Variants in PTH1R observed in about 807,000 individuals in gnomAD.
PTH1R encodes parathyroid hormone/parathyroid hormone-related peptide receptor.
In PTH1R, 32 loss-of-function variants were observed where a neutral mutation model predicts 70.7. The observed-to-expected ratio is 0.45, with a 90% CI of 0.34 to 0.61. The LOEUF is 0.61. Among genes scored for constraint, PTH1R ranks in the 20% least tolerant of loss-of-function variants. The pLI, the probability that PTH1R is intolerant of heterozygous loss-of-function variation, is 0.01. For synonymous variants in PTH1R, 329 were observed against 324.8 expected (o/e 1.01, Z -0.14); for missense variants, 626 against 792.5 (o/e 0.79, Z 2.52).
In PTH1R at chr3:46,883,148, A is replaced by AAAAGAAAGAAAGAAAGAAAG. The variant is rs540920290; in HGVS notation, c.-48-352_-48-333dup. Among the ~76,000 whole-genome samples, 16 of 142,234 alleles carry AAAAGAAAGAAAGAAAGAAAG rather than the reference A, an allele frequency of 1.1e-4. No individual in the cohort carries two copies. Among genetic ancestry groups the AAAAGAAAGAAAGAAAGAAAG allele is most frequent in the South Asian group, 4.5e-4 (2 of 4,420 alleles). The allele number at this position is 142,234 out of a possible 152,430, so 93.3% of individuals were successfully genotyped here. A position where few individuals can be genotyped will look rare whatever the true frequency, so the allele number is the denominator to read the frequency against. ...AGCTCCCATTTCCCCAAAAGAAAAA[A>AAAAGAAAGAAAGAAAGAAAG]AAAGAAAGAAAGAAAGAAAGAAAGA... On this transcript the variant is annotated intron_variant, in intron 2 of 15. Transcript: ENST00000449590. The surrounding 1 kb of genome is among the most constrained non-coding windows in gnomAD (Gnocchi z 6.4).
At chr3:46,894,301 C>T (rs1310336628) in intron 4 of PTH1R, among the ~76,000 whole-genome samples, 1 of 152,134 alleles carries the variant, frequency 6.6e-6, no homozygotes, top group Admixed American at 6.5e-5. Flanking sequence ...GAGGCCCAGA[C>T]CCCAACTGAC....
At chr3:46,900,237 G>A (rs1299660668) in intron 10 of PTH1R, among the ~76,000 whole-genome samples, 1 of 152,170 alleles carries the variant, frequency 6.6e-6, no homozygotes, top group African/African-American at 2.4e-5. Context: ...CCAGAGTTGG[G>A]GAGACCTGGG....
At position 46,882,991 on chromosome 3, in the gene PTH1R, C is replaced by T. The variant is rs1210450199; in HGVS notation, c.-48-521C>T. Among the ~76,000 whole-genome samples, 1 of 151,902 alleles carries T rather than the reference C, an allele frequency of 6.6e-6. No individual in the cohort carries two copies. Among genetic ancestry groups the T allele is most frequent in the Non-Finnish European group, 1.5e-5 (1 of 67,952 alleles). The stretch of plus-strand genomic sequence containing the variant: ...CACGCCCCGCGCGGCTCAGAACGCG[C>T]CCCCTGCCCGGCCCTGACTCCCTAC... On this transcript the variant is annotated intron_variant, in intron 2 of 15. Coordinates refer to ENST00000449590, the MANE Select transcript of PTH1R (RefSeq NM_000316.3). This position sits in a 1 kb window ranked among gnomAD's most constrained non-coding sequence, Gnocchi z 4.3.
Position 46,879,524 on chromosome 3 carries a change from C to T in PTH1R, c.-105-1538C>T, listed in dbSNP as rs1273998969. 6.6e-6 allele frequency among the ~76,000 whole-genome samples: 1 copy of T among 151,758 alleles called. No homozygotes were observed. Among genetic ancestry groups the T allele is most frequent in the Non-Finnish European group, 1.5e-5 (1 of 67,954 alleles). On this transcript the variant is annotated intron_variant, in intron 1 of 15. Coordinates refer to ENST00000449590, the MANE Select transcript of PTH1R (RefSeq NM_000316.3). This position sits in a 1 kb window ranked among gnomAD's most constrained non-coding sequence, Gnocchi z 4.7. ...TTGGGAGGCCGAGGCAGGAGGACTGCTTGAGCCCAAGAGTTGGAGACCAGT... is the reference window on the plus strand; with the variant it reads ...TTGGGAGGCCGAGGCAGGAGGACTGTTTGAGCCCAAGAGTTGGAGACCAGT...
In PTH1R at chr3:46,883,396, A is replaced by G. The variant is rs1182170319; in HGVS notation, c.-48-116A>G. The G allele has an allele frequency of 1.7e-5, 3 of 180,564 alleles. No homozygotes were observed. The highest frequency in any genetic ancestry group is 2.0e-5 in the Non-Finnish European group (2 of 101,144). 11.2% of individuals were successfully genotyped at this position (180,564 alleles called of 1,614,324 possible). On this transcript the variant is annotated intron_variant, in intron 2 of 15. Transcript: ENST00000449590. This position sits in a 1 kb window ranked among gnomAD's most constrained non-coding sequence, Gnocchi z 6.4. ...TCGCTCGCTCGCTCGCCCTCAGCGC[A>G]TGGGCCCCGCGCCGGGCCCCGGGGC... is the stretch of plus-strand genomic sequence containing the variant.
Position 46,891,459 on chromosome 3 carries a change from G to A in PTH1R, c.76-2448G>A, listed in dbSNP as rs1031904832. ...ATCAGTAGGCTGGTCTGTCTGTTGGGAGGCCCAGGGAGTCAGCAAGTCTCT... is the reference window on the plus strand; with the variant it reads ...ATCAGTAGGCTGGTCTGTCTGTTGGAAGGCCCAGGGAGTCAGCAAGTCTCT... On this transcript the variant is annotated intron_variant, in intron 3 of 15. Coordinates refer to ENST00000449590, the MANE Select transcript of PTH1R (RefSeq NM_000316.3). This position sits in a 1 kb window ranked among gnomAD's most constrained non-coding sequence, Gnocchi z 4.3. Among the ~76,000 whole-genome samples, 4 of 152,258 alleles carry A rather than the reference G, an allele frequency of 2.6e-5. No homozygotes were observed. Among genetic ancestry groups the A allele is most frequent in the Admixed American group, 2.6e-4 (4 of 15,288 alleles).
intron 4 of PTH1R, 136 bp downstream of exon 4, chr3:46,894,145 G>C (rs1203695849): frequency 1.2e-6 from 1 of 847,710 alleles, no homozygotes; most frequent in African/African-American, 1.7e-5. Context: ...AGGCCAAAGT[G>C]AGAACCAAAG....
intron 3 of PTH1R, among the ~76,000 whole-genome samples, chr3:46,889,645 T>C (rs1416057766): frequency 6.6e-6 from 1 of 152,174 alleles, no homozygotes; most frequent in Non-Finnish European, 1.5e-5. Flanking sequence ...GTGGAGGGTA[T>C]TGAAGCCAAG....
chr3:46,878,183 A>T (rs1559524912), intron 1 of PTH1R, among the ~76,000 whole-genome samples: 1 of 152,194 alleles, frequency 6.6e-6, no homozygotes, highest in Non-Finnish European at 1.5e-5. Flanking sequence ...CTGCAAGGGA[A>T]GGGGGCTACC....
chr3:46,885,082 C>T (rs143690655), intron 3 of PTH1R, among the ~76,000 whole-genome samples: 12 of 152,280 alleles, frequency 7.9e-5, no homozygotes, highest in Middle Eastern at 3.4e-3. Context: ...ACCCCACCCC[C>T]GGAGTTTGGT....
chr3:46,894,393 G>A (rs1559532941), intron 4 of PTH1R, among the ~76,000 whole-genome samples: 1 of 152,108 alleles, frequency 6.6e-6, no homozygotes, highest in African/African-American at 2.4e-5. Flanking sequence ...CAGAACACAA[G>A]CACACAATGA....
rs1364327639 is a variant in PTH1R, at chr3:46,897,897, C to T, written c.356C>T (p.Pro119Leu). ...LPEWDHILCWPLGAPGEVVAV... is the reference protein window; with the variant it reads ...LPEWDHILCWLLGAPGEVVAV... ...GAATGGGACCACATCCTGTGCTGGC[C>T]GCTGGGGGCACCAGGTGAGGTGGTG... is the stretch of plus-strand genomic sequence containing the variant. Residue 119 changes from proline to leucine, a missense_variant, in exon 6 of 16, where the codon CCG (proline) becomes CTG (leucine). By Grantham distance (98) the Pro-to-Leu change is moderately conservative. Transcript: ENST00000449590. 2.5e-6 allele frequency: 4 copies of T among 1,613,788 alleles called. No homozygotes were observed. Among genetic ancestry groups the T allele is most frequent in the African/African-American group, 1.3e-5 (1 of 74,912 alleles).
At position 46,902,942 on chromosome 3, in the gene PTH1R, G is replaced by A; in HGVS notation, c.1395+152G>A. 1 of 1,197,952 alleles carries A rather than the reference G, an allele frequency of 8.3e-7. No homozygotes were observed. The highest frequency in any genetic ancestry group is 1.2e-6 in the Non-Finnish European group (1 of 822,740). The allele number at this position is 1,197,952 out of a possible 1,614,324, so 74.2% of individuals were successfully genotyped here. A position where few individuals can be genotyped will look rare whatever the true frequency, so the allele number is the denominator to read the frequency against. On this transcript the variant is annotated intron_variant, in intron 15 of 15. Transcript: ENST00000449590. The surrounding 1 kb of genome is among the most constrained non-coding windows in gnomAD (Gnocchi z 5.4). ...TTCTGAAAGCAGAGAAGTCTTTCCA[G>A]ATGATGCAGGTTCAGGATGTGCTAG...
intron 2 of PTH1R, among the ~76,000 whole-genome samples, chr3:46,881,920 G>T (rs894479963): frequency 2.0e-5 from 3 of 152,148 alleles, no homozygotes; most frequent in Non-Finnish European, 2.9e-5. Context: ...CTCGGCTCAG[G>T]GTCTCTATTC....
intron 3 of PTH1R, among the ~76,000 whole-genome samples, chr3:46,886,898 A>C (rs1030985262): frequency 6.6e-6 from 1 of 152,210 alleles, no homozygotes. Context: ...TGCTGCTGGC[A>C]GGAGATCCTC....
At position 46,893,661 on chromosome 3, in the gene PTH1R, G is replaced by A. The variant is rs929001809; in HGVS notation, c.76-246G>A. Among the ~76,000 whole-genome samples the A allele has an allele frequency of 3.3e-5, 5 of 152,292 alleles. No individual in the cohort carries two copies. Among genetic ancestry groups the A allele is most frequent in the African/African-American group, 1.2e-4 (5 of 41,556 alleles). On this transcript the variant is annotated intron_variant, in intron 3 of 15. Transcript: ENST00000449590. The surrounding 1 kb of genome is among the most constrained non-coding windows in gnomAD (Gnocchi z 5.2). The stretch of plus-strand genomic sequence containing the variant: ...CTGCAGCCTACAGGGTTACTGGCGG[G>A]CAGGCAGGAGAGAGCCCCTGCTTTT...
Position 46,898,397 on chromosome 3 carries a change from G to T in PTH1R, c.563G>T (p.Gly188Val). ...TREREVFDRLGMIYTVGYSVS... is the reference protein window; with the variant it reads ...TREREVFDRLVMIYTVGYSVS... Reference sequence around the variant, plus strand: ...GCACAGGAGGTGTTTGACCGCCTGGGCATGATTTACACCGTGGGCTACTCC... The same window carrying T: ...GCACAGGAGGTGTTTGACCGCCTGGTCATGATTTACACCGTGGGCTACTCC... Residue 188 changes from glycine to valine, a missense_variant, in exon 8 of 16, where the codon GGC (glycine) becomes GTC (valine). By Grantham distance (109) the Gly-to-Val change is moderately radical (BLOSUM62 -3). Transcript: ENST00000449590. 3 of 1,613,742 alleles carry T rather than the reference G, an allele frequency of 1.9e-6. No homozygotes were observed. Among genetic ancestry groups the T allele is most frequent in the Non-Finnish European group, 2.5e-6 (3 of 1,179,926 alleles).
chr3:46,883,685 G>T lies in PTH1R; in HGVS notation c.75+51G>T. 1 of 1,541,460 alleles carries T rather than the reference G, an allele frequency of 6.5e-7. No individual in the cohort carries two copies. On this transcript the variant is annotated intron_variant, in intron 3 of 15. Coordinates refer to ENST00000449590, the MANE Select transcript of PTH1R (RefSeq NM_000316.3). The surrounding 1 kb of genome is among the most constrained non-coding windows in gnomAD (Gnocchi z 6.4). ...GGGACAGGCTGCGGGCTTACCCTAG[G>T]GTCCGCGGGATAGGTCTAAGGCACG...
chr3:46,885,045 G>A (rs1375181276), intron 3 of PTH1R, among the ~76,000 whole-genome samples: 7 of 152,148 alleles, frequency 4.6e-5, no homozygotes, highest in South Asian at 2.1e-4. Flanking sequence ...AAGTACTGAC[G>A]AATGCCAGGG....
Sources: allele counts gnomAD v4.1 joint callset (sites outside exome capture counted in the v4.1 genomes callset), GRCh38; gene constraint gnomAD v4.1.1; non-coding constraint Gnocchi (gnomAD v3.1); transcripts MANE v1.5; gene names NCBI Gene and HGNC (gene_info 2026-07-23, HGNC 2026-07-21).